UGGT2: variants seen among roughly 807,000 people sequenced by gnomAD.
The protein encoded by UGGT2 is UDP-glucose:glycoprotein glucosyltransferase 2.
In UGGT2, 180 loss-of-function variants were observed where a neutral mutation model predicts 192.1. The observed-to-expected ratio is 0.94, with a 90% confidence interval of 0.83 to 1.06. UGGT2 has a LOEUF of 1.06. Among genes scored for constraint, UGGT2 ranks in the 50% least tolerant of loss-of-function variants. The pLI, the probability that UGGT2 is intolerant of heterozygous loss-of-function variation, is 0.00. For missense variants in UGGT2, 1,849 were observed against 1,795.7 expected (o/e 1.03, Z -0.54); for synonymous variants, 580 against 591.0 (o/e 0.98, Z 0.27).
At chr13:96,042,716 G>A (rs1490846060) in intron 1 of UGGT2, among the ~76,000 whole-genome samples, 1 of 151,966 alleles carries the variant, frequency 6.6e-6, no homozygotes, top group African/African-American at 2.4e-5. Context: ...TTATAGAAAT[G>A]TAAAATAGAG....
chr13:95,957,274 T>C (rs2050238557), intron 12 of UGGT2, among the ~76,000 whole-genome samples: 1 of 152,240 alleles, frequency 6.6e-6, no homozygotes. Context: ...ACTGTGAATG[T>C]ACTTAATGCC....
Position 95,887,916 on chromosome 13 carries a change from C to T in UGGT2, c.3014G>A (p.Arg1005Lys). 6.2e-7 allele frequency: 1 copy of T among 1,603,290 alleles called. No homozygotes were observed. Among genetic ancestry groups the T allele is most frequent in the Non-Finnish European group, 8.5e-7 (1 of 1,174,544 alleles). ...CCTTTCTAAAGGGGCTTCTGAAAGC[C>T]TGCCCCTACAGTTCATGAACAACTT... Reference protein sequence around the residue: ...KIKLFMNCRGRLSEAPLESFY... With the variant: ...KIKLFMNCRGKLSEAPLESFY... The change falls in exon 26 of 39, where the codon AGG becomes AAG. Residue 1005 changes from arginine (R) to lysine (K), a missense_variant. Transcript: ENST00000376747.
intron 1 of UGGT2, among the ~76,000 whole-genome samples, chr13:96,033,859 C>T (rs372986327): frequency 1.1e-4 from 17 of 152,242 alleles, no homozygotes; most frequent in Admixed American, 2.6e-4. Context: ...CCCCATGACG[C>T]GAACTGCCTG....
At chr13:95,899,513 T>G (rs561943607) in intron 22 of UGGT2, among the ~76,000 whole-genome samples, 1 of 152,244 alleles carries the variant, frequency 6.6e-6, no homozygotes, top group South Asian at 2.1e-4. Flanking sequence ...GAGAAATAAG[T>G]TGAACATAAC....
chr13:95,828,174 T>A (rs1030291406), intron 38 of UGGT2, among the ~76,000 whole-genome samples: 1 of 152,094 alleles, frequency 6.6e-6, no homozygotes, highest in African/African-American at 2.4e-5. Flanking sequence ...TAAAGCAGTG[T>A]GTAGAGGGAA....
At chr13:95,879,560 C>T (rs536590112) in intron 27 of UGGT2, among the ~76,000 whole-genome samples, 6 of 152,262 alleles carry the variant, frequency 3.9e-5, no homozygotes, top group South Asian at 2.1e-4. Flanking sequence ...CTCAGTCTCC[C>T]GAGTAGCTAG....
chr13:95,902,164 A>C (rs1291891366), intron 21 of UGGT2, among the ~76,000 whole-genome samples: 1 of 152,144 alleles, frequency 6.6e-6, no homozygotes, highest in Non-Finnish European at 1.5e-5. Context: ...ATTGTCATTA[A>C]TCTCAAGTGG....
chr13:95,801,812 A>G lies in UGGT2; in HGVS notation c.4529T>C (p.Ile1510Thr). ...GTGCTAGAGTTCATCATGTGTCAAA[A>G]CTATAAGGGAGAAAAGTTTATTTAG... ...DHLENKKQDTILTHDEL is the reference protein window; with the variant it reads ...DHLENKKQDTTLTHDEL Residue 1510 changes from isoleucine to threonine, a missense_variant and splice_region_variant, in exon 39 of 39, where the codon ATT (isoleucine) becomes ACT (threonine). Coordinates refer to ENST00000376747, the MANE Select transcript of UGGT2 (RefSeq NM_020121.4). 1 of 1,613,858 alleles carries G rather than the reference A, an allele frequency of 6.2e-7. No homozygotes were observed. Among genetic ancestry groups the G allele is most frequent in the Non-Finnish European group, 8.5e-7 (1 of 1,179,846 alleles).
chr13:95,811,041 A>G (rs1884556158), intron 38 of UGGT2, among the ~76,000 whole-genome samples: 1 of 152,250 alleles, frequency 6.6e-6, no homozygotes, highest in Non-Finnish European at 1.5e-5. Context: ...AATGCAAATC[A>G]AAACCACAGT....
chr13:95,885,091 A>C (rs2047609157), intron 26 of UGGT2, among the ~76,000 whole-genome samples: 1 of 152,244 alleles, frequency 6.6e-6, no homozygotes, highest in Non-Finnish European at 1.5e-5. Flanking sequence ...GTAGGAAACA[A>C]ATGAAATTCA....
At chr13:95,991,709 ATTATAAGT>A (rs749487395) in intron 7 of UGGT2, among the ~76,000 whole-genome samples, 1 of 152,164 alleles carries the variant, frequency 6.6e-6, no homozygotes, top group Non-Finnish European at 1.5e-5. Context: ...AAGTTATCAG[ATTATAAGT>A]TTATAAGAGC....
chr13:95,968,894 A>G (rs1013361146), intron 12 of UGGT2, among the ~76,000 whole-genome samples: 1 of 152,062 alleles, frequency 6.6e-6, no homozygotes, highest in Non-Finnish European at 1.5e-5. Context: ...GGTTGCTCAC[A>G]CCTTGGATAT....
chr13:95,930,979 G>A (rs973172849), intron 17 of UGGT2, among the ~76,000 whole-genome samples: 3 of 145,334 alleles, frequency 2.1e-5, no homozygotes, highest in Non-Finnish European at 3.1e-5. Flanking sequence ...ACCTCCCACA[G>A]CATGGAAAGG....
At chr13:95,893,703 A>G (rs2047867927) in intron 24 of UGGT2, among the ~76,000 whole-genome samples, 1 of 152,230 alleles carries the variant, frequency 6.6e-6, no homozygotes, top group Admixed American at 6.5e-5. Flanking sequence ...AAAATTACTA[A>G]AGGTGATAAC....
chr13:95,802,834 T>C (rs527417133), intron 38 of UGGT2, among the ~76,000 whole-genome samples: 1 of 152,180 alleles, frequency 6.6e-6, no homozygotes, highest in East Asian at 1.9e-4. Flanking sequence ...TGTTTGTTTG[T>C]TTGTTTGTTT....
chr13:95,819,422 C>T (rs1041339974), intron 38 of UGGT2, among the ~76,000 whole-genome samples: 2 of 151,888 alleles, frequency 1.3e-5, no homozygotes, highest in East Asian at 3.9e-4. Context: ...TGCTCACCAC[C>T]AAAATAAATA....
At chr13:95,846,587 T>C (rs1011764149) in intron 36 of UGGT2, among the ~76,000 whole-genome samples, 2 of 152,238 alleles carry the variant, frequency 1.3e-5, no homozygotes, top group South Asian at 2.1e-4. Flanking sequence ...TGCTGCCTCA[T>C]AGAATGAGTT....
chr13:95,906,062 G>T (rs1323169490), intron 20 of UGGT2, among the ~76,000 whole-genome samples: 1 of 152,042 alleles, frequency 6.6e-6, no homozygotes, highest in East Asian at 1.9e-4. Flanking sequence ...CAATTACGTA[G>T]TTTTATCAAA....
chr13:96,040,622 G>A (rs2053136970), intron 1 of UGGT2, among the ~76,000 whole-genome samples: 2 of 152,116 alleles, frequency 1.3e-5, no homozygotes, highest in African/African-American at 4.8e-5. Flanking sequence ...AACCCATTAA[G>A]TTGGGTTTAT....
Sources: gnomAD v4.1 joint callset for allele counts (sites outside exome capture counted in the v4.1 genomes callset) on GRCh38, gnomAD v4.1.1 for gene constraint, MANE v1.5 for transcripts, NCBI Gene and HGNC (gene_info 2026-07-23, HGNC 2026-07-21) for gene names.